GRM7: variants seen among roughly 807,000 people sequenced by gnomAD.
The protein encoded by GRM7 is metabotropic glutamate receptor 7.
GRM7 carries 35 observed loss-of-function variants against 84.5 expected under a neutral mutation model. That is an observed-to-expected ratio of 0.41 (90% CI 0.32 to 0.55). The LOEUF (loss-of-function observed/expected upper bound fraction) is 0.55, where lower values mean the gene tolerates loss of function less well. Among genes scored for constraint, GRM7 ranks in the 20% least tolerant of loss-of-function variants. GRM7 has a pLI of 0.19. For missense variants in GRM7, 1,003 were observed against 1,194.6 expected (o/e 0.84, Z 2.36); for synonymous variants, 487 against 455.1 (o/e 1.07, Z -0.89).
intron 4 of GRM7, among the ~76,000 whole-genome samples, chr3:7,322,000 A>T (rs76165871): frequency 6.6e-6 from 1 of 152,100 alleles, no homozygotes; most frequent in African/African-American, 2.4e-5. Flanking sequence ...AAAACCCCAG[A>T]ATATTATGAA....
chr3:7,443,821 T>C (rs1697392879), intron 5 of GRM7, among the ~76,000 whole-genome samples: 1 of 152,200 alleles, frequency 6.6e-6, no homozygotes, highest in Non-Finnish European at 1.5e-5. Context: ...GAAGAGGGAC[T>C]ATTCTAGGGG....
At chr3:7,616,844 T>G (rs1030307149) in intron 8 of GRM7, among the ~76,000 whole-genome samples, 2 of 152,190 alleles carry the variant, frequency 1.3e-5, no homozygotes, top group Non-Finnish European at 2.9e-5. Flanking sequence ...TGAAAATTTT[T>G]AATTAAGTGA....
At chr3:7,356,823 C>T (rs546328796) in intron 4 of GRM7, among the ~76,000 whole-genome samples, 4 of 151,050 alleles carry the variant, frequency 2.6e-5, no homozygotes, top group East Asian at 2.0e-4. Flanking sequence ...TTTTGAACTT[C>T]GATTTAGCTA....
chr3:7,659,654 GA>G (rs1699350465), intron 8 of GRM7, among the ~76,000 whole-genome samples: 1 of 152,202 alleles, frequency 6.6e-6, no homozygotes, highest in Non-Finnish European at 1.5e-5. Flanking sequence ...AATGTTGATT[GA>G]AGGCCTGTAA....
intron 8 of GRM7, among the ~76,000 whole-genome samples, chr3:7,645,706 G>T (rs1575589195): frequency 6.6e-6 from 1 of 152,142 alleles, no homozygotes; most frequent in Non-Finnish European, 1.5e-5. Context: ...GGAAGCAGCA[G>T]TGTGGTTCTG....
At chr3:7,693,557 G>C (rs1173096473) in intron 9 of GRM7, 1 of 896,340 alleles carries the variant, frequency 1.1e-6, no homozygotes, top group Non-Finnish European at 1.8e-6. Flanking sequence ...TGTCATGTTT[G>C]CAAATTTCAT....
At chr3:7,691,476 G>T (rs930424979) in intron 9 of GRM7, 45 of 266,308 alleles carry the variant, frequency 1.7e-4, no homozygotes, top group Non-Finnish European at 3.3e-4. Flanking sequence ...CTCTGATTGT[G>T]GATAAGTTTC....
intron 1 of GRM7, among the ~76,000 whole-genome samples, chr3:7,125,355 G>A (rs975426371): frequency 1.3e-5 from 2 of 152,152 alleles, no homozygotes; most frequent in African/African-American, 4.8e-5. Flanking sequence ...AGCAAGAAGA[G>A]TCTCAAAAAC....
intron 2 of GRM7, among the ~76,000 whole-genome samples, chr3:7,256,676 C>T (rs539883503): frequency 6.6e-6 from 1 of 152,088 alleles, no homozygotes; most frequent in Admixed American, 6.6e-5. Flanking sequence ...GAGACCAAGT[C>T]CCTAAAGGGA....
At position 7,222,445 on chromosome 3, in the gene GRM7, C is replaced by T. The variant is rs141524824; in HGVS notation, c.736+75777C>T. Among the ~76,000 whole-genome samples the T allele has an allele frequency of 3.6e-3, 548 of 152,166 alleles. 2 individuals carry two copies. The highest frequency in any genetic ancestry group is 0.02 in the Middle Eastern group (6 of 294). On this transcript the variant is annotated intron_variant, in intron 2 of 9. Transcript: ENST00000357716. ...TGCTCCAGAGGTTAAGGATATCCCCCAGCTGACATTAGCAAGGAAATGGAG... is the reference window on the plus strand; with the variant it reads ...TGCTCCAGAGGTTAAGGATATCCCCTAGCTGACATTAGCAAGGAAATGGAG...
intron 4 of GRM7, among the ~76,000 whole-genome samples, chr3:7,387,744 T>A (rs985456775): frequency 6.6e-6 from 1 of 152,186 alleles, no homozygotes; most frequent in African/African-American, 2.4e-5. Context: ...TTATTCTTTT[T>A]GCTTAGGATT....
At chr3:7,027,228 A>G (rs1439497774) in intron 1 of GRM7, among the ~76,000 whole-genome samples, 1 of 152,108 alleles carries the variant, frequency 6.6e-6, no homozygotes, top group Non-Finnish European at 1.5e-5. Context: ...AGGGACCACA[A>G]ACTGCTGGCT....
At chr3:7,342,553 C>G (rs1031888786) in intron 4 of GRM7, among the ~76,000 whole-genome samples, 2 of 152,152 alleles carry the variant, frequency 1.3e-5, no homozygotes, top group Non-Finnish European at 2.9e-5. Context: ...AAGAACCTAT[C>G]CTGTTCAAGT....
At chr3:7,004,334 G>A (rs1018887022) in intron 1 of GRM7, among the ~76,000 whole-genome samples, 1 of 152,048 alleles carries the variant, frequency 6.6e-6, no homozygotes, top group African/African-American at 2.4e-5. Flanking sequence ...GAAAAATGTG[G>A]AAGTATACAA....
intron 5 of GRM7, among the ~76,000 whole-genome samples, chr3:7,439,860 G>T (rs1303089313): frequency 6.6e-6 from 1 of 151,880 alleles, no homozygotes; most frequent in African/African-American, 2.4e-5. Context: ...GAGTTCCAGA[G>T]AGCACAAAGT....
chr3:7,739,822 A>T (rs1702629782), intron 9 of GRM7, among the ~76,000 whole-genome samples: 1 of 152,200 alleles, frequency 6.6e-6, no homozygotes, highest in Non-Finnish European at 1.5e-5. Flanking sequence ...TCTTAATGGA[A>T]ATAGTTCTGC....
intron 1 of GRM7, among the ~76,000 whole-genome samples, chr3:6,960,157 G>A (rs962075553): frequency 3.3e-5 from 5 of 152,134 alleles, no homozygotes; most frequent in African/African-American, 1.2e-4. Context: ...TCCAGCCCCA[G>A]TGTGTATCCC....
intron 8 of GRM7, among the ~76,000 whole-genome samples, chr3:7,602,808 A>G (rs2125072094): frequency 6.6e-6 from 1 of 152,294 alleles, no homozygotes; most frequent in East Asian, 1.9e-4. Flanking sequence ...TTGTGCTTTG[A>G]TGCGTCTTGT....
intron 9 of GRM7, among the ~76,000 whole-genome samples, chr3:7,688,041 T>C (rs922621892): frequency 4.6e-5 from 7 of 152,096 alleles, no homozygotes; most frequent in African/African-American, 7.2e-5. Flanking sequence ...ACACTGGAGC[T>C]CAACACTTTA....
Sources: allele counts gnomAD v4.1 joint callset (sites outside exome capture counted in the v4.1 genomes callset), GRCh38; gene constraint gnomAD v4.1.1; transcripts MANE v1.5; gene names NCBI Gene and HGNC (gene_info 2026-07-23, HGNC 2026-07-21).